The following PARD3B variants were observed in gnomAD, a reference collection of about 807,000 sequenced individuals.
PARD3B encodes par-3 family cell polarity regulator beta.
PARD3B carries 103 observed loss-of-function variants against 130.2 expected under a neutral mutation model. That is an observed-to-expected ratio of 0.79 (90% CI 0.67 to 0.93). The LOEUF (loss-of-function observed/expected upper bound fraction) is 0.93. PARD3B is among the 40% of genes least tolerant of loss of function. The pLI is 0.00. For missense variants in PARD3B, 1,609 were observed against 1,499.2 expected, an observed-to-expected ratio of 1.07 and a Z score of -1.21; for synonymous variants, 583 against 553.2, an observed-to-expected ratio of 1.05 and a Z score of -0.76.
chr2:204,656,081 A>G (rs2035628739), intron 1 of PARD3B, among the ~76,000 whole-genome samples: 1 of 152,042 alleles, frequency 6.6e-6, no homozygotes, highest in Non-Finnish European at 1.5e-5. Flanking sequence ...TTTGAGATCT[A>G]GGCTCAGAAC....
intron 3 of PARD3B, among the ~76,000 whole-genome samples, chr2:205,017,736 G>T (rs1696259568): frequency 6.6e-6 from 1 of 152,152 alleles, no homozygotes; most frequent in South Asian, 2.1e-4. Context: ...TAGCCTGAAT[G>T]AAATGGTCCT....
At chr2:205,382,291 A>C (rs544096141) in intron 18 of PARD3B, among the ~76,000 whole-genome samples, 1 of 152,180 alleles carries the variant, frequency 6.6e-6, no homozygotes, top group East Asian at 1.9e-4. Context: ...GTTATTTTGT[A>C]AAATGTCACT....
In PARD3B at chr2:205,351,347, T is replaced by C. The variant is rs973174601; in HGVS notation, c.2630+49646T>C. 2.1e-4 allele frequency among the ~76,000 whole-genome samples: 32 copies of C among 152,204 alleles called. No homozygotes were observed. The highest frequency in any genetic ancestry group is 7.5e-4 in the African/African-American group (31 of 41,450). On this transcript the variant is annotated intron_variant, in intron 18 of 22. Coordinates refer to ENST00000406610, the MANE Select transcript of PARD3B (RefSeq NM_001302769.2). This position sits in a 1 kb window ranked among gnomAD's most constrained non-coding sequence, Gnocchi z 4.2. The stretch of plus-strand genomic sequence containing the variant: ...CTCTTAATCCCAGTTGGTTGCATTT[T>C]TTTCCTTTTTATCAGTCTAGATAGA...
In PARD3B at chr2:205,562,134, G is replaced by A. The variant is rs1457681799; in HGVS notation, c.3260+8731G>A. On this transcript the variant is annotated intron_variant, in intron 22 of 22. Coordinates refer to ENST00000406610, the MANE Select transcript of PARD3B (RefSeq NM_001302769.2). This position sits in a 1 kb window ranked among gnomAD's most constrained non-coding sequence, Gnocchi z 5.4. ...TAAGATGCCAAACAGCTGAGATCAGGGGGTTAATGCTACTGCCACCTCATT... is the reference window on the plus strand; with the variant it reads ...TAAGATGCCAAACAGCTGAGATCAGAGGGTTAATGCTACTGCCACCTCATT... Among the ~76,000 whole-genome samples the A allele has an allele frequency of 6.6e-6, 1 of 152,198 alleles. No individual in the cohort carries two copies. The highest frequency in any genetic ancestry group is 2.4e-5 in the African/African-American group (1 of 41,452).
At chr2:205,103,151 G>T (rs1702911828) in intron 4 of PARD3B, among the ~76,000 whole-genome samples, 3 of 133,458 alleles carry the variant, frequency 2.2e-5, no homozygotes, top group East Asian at 2.4e-4. Context: ...TTATATTTAT[G>T]TAAAATAAAC....
At chr2:204,856,565 T>C (rs2044948418) in intron 2 of PARD3B, among the ~76,000 whole-genome samples, 1 of 152,190 alleles carries the variant, frequency 6.6e-6, no homozygotes, top group African/African-American at 2.4e-5. Context: ...TGTTTTTCTG[T>C]TTTTGCTTTC....
chr2:204,814,692 T>G (rs2043083659), intron 2 of PARD3B, among the ~76,000 whole-genome samples: 1 of 151,906 alleles, frequency 6.6e-6, no homozygotes, highest in Non-Finnish European at 1.5e-5. Context: ...AAATATTAGC[T>G]ATAGGCTTTT....
At chr2:205,528,476 C>T (rs1005496245) in intron 21 of PARD3B, among the ~76,000 whole-genome samples, 38 of 152,000 alleles carry the variant, frequency 2.5e-4, no homozygotes, top group African/African-American at 8.0e-4. Context: ...CTCTTCTCTT[C>T]GTGTCAGACA....
intron 22 of PARD3B, among the ~76,000 whole-genome samples, chr2:205,566,527 A>G (rs1033529096): frequency 1.3e-5 from 2 of 152,194 alleles, no homozygotes; most frequent in Non-Finnish European, 2.9e-5. Context: ...CCCACTTCCC[A>G]GGAGACAAGG....
intron 2 of PARD3B, among the ~76,000 whole-genome samples, chr2:204,821,158 G>A (rs548404672): frequency 6.6e-6 from 1 of 152,258 alleles, no homozygotes; most frequent in East Asian, 1.9e-4. Context: ...ATCTCATCTT[G>A]TAGGTCCCAT....
At chr2:204,757,492 G>A (rs956611491) in intron 2 of PARD3B, among the ~76,000 whole-genome samples, 1 of 151,994 alleles carries the variant, frequency 6.6e-6, no homozygotes, top group African/African-American at 2.4e-5. Context: ...TTTGATGTGC[G>A]TATCTCTGAT....
At chr2:204,775,731 G>T (rs1381179345) in intron 2 of PARD3B, among the ~76,000 whole-genome samples, 1 of 152,098 alleles carries the variant, frequency 6.6e-6, no homozygotes, top group East Asian at 1.9e-4. Flanking sequence ...TGCTTACTTG[G>T]CTGTCTCTTC....
intron 4 of PARD3B, among the ~76,000 whole-genome samples, chr2:205,086,849 C>A (rs958434530): frequency 6.6e-6 from 1 of 152,198 alleles, no homozygotes; most frequent in Non-Finnish European, 1.5e-5. Context: ...CCTAATAAAT[C>A]AAATTGTGCA....
At chr2:205,149,698 A>G (rs1449722492) in intron 10 of PARD3B, among the ~76,000 whole-genome samples, 1 of 152,170 alleles carries the variant, frequency 6.6e-6, no homozygotes, top group Non-Finnish European at 1.5e-5. Context: ...TTGGAAACAT[A>G]TGAACAGGCA....
chr2:205,045,640 A>C (rs1478475629), intron 3 of PARD3B, among the ~76,000 whole-genome samples: 3 of 152,114 alleles, frequency 2.0e-5, no homozygotes, highest in African/African-American at 7.2e-5. Context: ...ACTCATAGGC[A>C]TGTGTCTTTA....
At chr2:205,506,348 A>G (rs1012419005) in intron 21 of PARD3B, among the ~76,000 whole-genome samples, 2 of 152,118 alleles carry the variant, frequency 1.3e-5, no homozygotes, top group Non-Finnish European at 2.9e-5. Flanking sequence ...AACAAAAACA[A>G]AAACAAAAAT....
intron 20 of PARD3B, among the ~76,000 whole-genome samples, chr2:205,456,885 G>T (rs969694475): frequency 6.7e-6 from 1 of 148,500 alleles, no homozygotes; most frequent in Non-Finnish European, 1.5e-5. Flanking sequence ...ATATTAAATT[G>T]AATAATCAAT....
chr2:204,861,168 CTCTCT>C (rs2045174598), intron 2 of PARD3B, among the ~76,000 whole-genome samples: 1 of 54,638 alleles, frequency 1.8e-5, no homozygotes, highest in Non-Finnish European at 3.0e-5. Context: ...ACCTTTCTCT[CTCTCT>C]CTCTCTCTCT....
chr2:205,283,953 G>C (rs1456337222), intron 16 of PARD3B, among the ~76,000 whole-genome samples: 1 of 152,264 alleles, frequency 6.6e-6, no homozygotes. Flanking sequence ...CTCTTACCTT[G>C]GGGAAGTTAC....
Sources: allele counts gnomAD v4.1 joint callset (sites outside exome capture counted in the v4.1 genomes callset), GRCh38; gene constraint gnomAD v4.1.1; non-coding constraint Gnocchi (gnomAD v3.1); transcripts MANE v1.5; gene names NCBI Gene and HGNC (gene_info 2026-07-23, HGNC 2026-07-21).